RIPOR2: variants seen among roughly 807,000 people sequenced by gnomAD.
RIPOR2 encodes RHO family interacting cell polarization regulator 2, also known as rho family-interacting cell polarization regulator 2.
RIPOR2 carries 39 observed loss-of-function variants against 114.5 expected under a neutral mutation model. The ratio of observed to expected loss-of-function variants is 0.34; its 90% CI spans 0.26 to 0.44. RIPOR2 has a LOEUF of 0.44. RIPOR2 is among the 20% of genes least tolerant of loss of function. The probability of loss-of-function intolerance (pLI) is 1.00; values close to 1 mark genes in which losing one functional copy is unlikely to be tolerated. For missense variants in RIPOR2, 1,007 were observed against 1,255.1 expected (o/e 0.80, Z 2.99); for synonymous variants, 445 against 484.4 (o/e 0.92, Z 1.07).
At chr6:25,010,420 T>C (rs1430316687) in intron 1 of RIPOR2, among the ~76,000 whole-genome samples, 1 of 152,186 alleles carries the variant, frequency 6.6e-6, no homozygotes, top group Admixed American at 6.5e-5. Flanking sequence ...CAGATGCAGA[T>C]GCTGGTGCGA....
chr6:24,911,063 G>A, intron 1 of RIPOR2: 1 of 840,578 alleles, frequency 1.2e-6, no homozygotes, highest in Non-Finnish European at 1.4e-6. Flanking sequence ...TTGCGGGGCT[G>A]GCGGGCGCGA....
chr6:24,821,682 A>G (rs917928981), intron 19 of RIPOR2, among the ~76,000 whole-genome samples: 13 of 152,188 alleles, frequency 8.5e-5, no homozygotes, highest in African/African-American at 3.1e-4. Context: ...GTGAGCAGCC[A>G]AAAGGGGAGG....
chr6:24,854,397 A>G (rs1215400066), intron 8 of RIPOR2, among the ~76,000 whole-genome samples: 7 of 152,210 alleles, frequency 4.6e-5, no homozygotes, highest in African/African-American at 1.7e-4. Context: ...GCATGTGTGC[A>G]TTCGACAATG....
chr6:24,867,903 T>A (rs1312245311), intron 6 of RIPOR2, among the ~76,000 whole-genome samples: 1 of 152,192 alleles, frequency 6.6e-6, no homozygotes, highest in Non-Finnish European at 1.5e-5. Flanking sequence ...CACTGACCTT[T>A]GAAAACCATT....
chr6:24,979,124 T>C (rs1344045827), intron 1 of RIPOR2, among the ~76,000 whole-genome samples: 2 of 152,116 alleles, frequency 1.3e-5, no homozygotes, highest in Non-Finnish European at 2.9e-5. Flanking sequence ...TATGAGATAA[T>C]GAGAAACAAT....
rs552179712 is a variant in RIPOR2 at position 24,847,447 on chromosome 6, G to A, written c.1164+578C>T. The A allele has an allele frequency of 7.4e-5, 97 of 1,313,148 alleles. 1 individual carries two copies. In the East Asian group the frequency reaches 2.2e-3, roughly 30 times the overall value. The allele number at this position is 1,313,148 out of a possible 1,614,324, so 81.3% of individuals were successfully genotyped here. On this transcript the variant is annotated intron_variant, in intron 12 of 21. Transcript: ENST00000643898. ...GTACAGCTGTAACCATACCCAGTGA[G>A]CAAGACAGAGAAGATAAAACAAGAG...
chr6:24,874,829 T>A (rs538729477), intron 2 of RIPOR2, among the ~76,000 whole-genome samples: 2 of 152,344 alleles, frequency 1.3e-5, no homozygotes, highest in South Asian at 4.1e-4. Flanking sequence ...ACACGTAGCT[T>A]TTTTAAAAGC....
intron 1 of RIPOR2, among the ~76,000 whole-genome samples, chr6:24,896,642 C>G (rs1363581297): frequency 6.6e-6 from 1 of 152,186 alleles, no homozygotes; most frequent in Admixed American, 6.5e-5. Flanking sequence ...CGGTGGCTCA[C>G]GCCTGTAATC....
At chr6:24,871,068 G>T (rs1765118323) in intron 4 of RIPOR2, among the ~76,000 whole-genome samples, 179 bp from the exon 5 acceptor site, 1 of 152,064 alleles carries the variant, frequency 6.6e-6, no homozygotes. Flanking sequence ...TGCTTTAAAA[G>T]AATAAAAACT....
chr6:24,839,799 G>A, intron 13 of RIPOR2: 1 of 1,364,026 alleles, frequency 7.3e-7, no homozygotes, highest in Non-Finnish European at 9.4e-7. Flanking sequence ...ATTCCAAGTG[G>A]CAATGTCTTC....
At chr6:24,931,953 G>A (rs1581828894) in intron 1 of RIPOR2, 3 of 152,344 alleles carry the variant, frequency 2.0e-5, no homozygotes, top group African/African-American at 7.2e-5. Context: ...CTTGAAAGCA[G>A]GATAGGAACC....
At chr6:24,820,089 A>G (rs1759543219) in intron 19 of RIPOR2, among the ~76,000 whole-genome samples, 1 of 151,766 alleles carries the variant, frequency 6.6e-6, no homozygotes, top group African/African-American at 2.4e-5. Context: ...CTGGAGTGCA[A>G]TGGCACAAAC....
rs528405317 is a variant in RIPOR2, at chr6:24,838,645, T to C, written c.2039+446A>G. Among the ~76,000 whole-genome samples the C allele has an allele frequency of 5.3e-5, 8 of 152,038 alleles. No homozygotes were observed. The South Asian group carries it at 1.7e-3, about 32-fold the overall frequency. On this transcript the variant is annotated intron_variant, in intron 14 of 21. Transcript: ENST00000643898. ...CGTCTCTACTAAAAAAATACAAAAA[T>C]TAGCCAGGTGTGGTGGCGGGTGCCT...
At chr6:24,871,508 C>A (rs1396388529) in intron 4 of RIPOR2, among the ~76,000 whole-genome samples, 2 of 152,138 alleles carry the variant, frequency 1.3e-5, no homozygotes, top group Admixed American at 1.3e-4. Flanking sequence ...CCCACCACCA[C>A]GCCCAGCTAA....
At chr6:24,870,719 G>T (rs1313219829) in intron 5 of RIPOR2, 147 bp downstream of exon 5, 10 of 574,484 alleles carry the variant, frequency 1.7e-5, no homozygotes, top group Non-Finnish European at 3.0e-5. Flanking sequence ...TTGCCACATT[G>T]CCCAGGCAGG....
intron 1 of RIPOR2, among the ~76,000 whole-genome samples, chr6:24,941,845 A>T (rs762277025): frequency 6.6e-6 from 1 of 152,078 alleles, no homozygotes; most frequent in East Asian, 1.9e-4. Context: ...TTTTAACCTC[A>T]AGACAAATTT....
chr6:25,011,306 A>G (rs1181562370), intron 1 of RIPOR2, among the ~76,000 whole-genome samples: 2 of 152,196 alleles, frequency 1.3e-5, no homozygotes, highest in Non-Finnish European at 2.9e-5. Context: ...ATGTGTGCAT[A>G]TATGTGTGTG....
upstream of RIPOR2, among the ~76,000 whole-genome samples, chr6:24,939,148 G>A (rs905520533): frequency 3.3e-5 from 5 of 151,362 alleles, no homozygotes; most frequent in Non-Finnish European, 5.9e-5. Context: ...AAGAGGTGAA[G>A]TGATCCACCC....
At chr6:24,877,245 C>G in intron 1 of RIPOR2, 1 of 985,398 alleles carries the variant, frequency 1.0e-6, no homozygotes, top group Non-Finnish European at 1.2e-6. Context: ...GAGTTACTTC[C>G]CCAGAGAGAG....
Sources: allele counts gnomAD v4.1 joint callset (sites outside exome capture counted in the v4.1 genomes callset), GRCh38; gene constraint gnomAD v4.1.1; transcripts MANE v1.5; gene names NCBI Gene and HGNC (gene_info 2026-07-23, HGNC 2026-07-21).